PRKAG2: variants seen among roughly 807,000 people sequenced by gnomAD.
PRKAG2 encodes the protein 5'-AMP-activated protein kinase subunit gamma-2.
Under a neutral mutation model 69.6 loss-of-function variants are expected in PRKAG2, and 26 were observed. That is an observed-to-expected ratio of 0.37 (90% CI 0.27 to 0.52). PRKAG2 has a LOEUF of 0.52. Ranked by LOEUF, PRKAG2 falls within the 20% of genes least tolerant of loss-of-function variation. The pLI is 0.90. For synonymous variants in PRKAG2, 293 were observed against 285.0 expected (o/e 1.03, Z -0.28); for missense variants, 557 against 740.0 (o/e 0.75, Z 2.87).
At chr7:151,694,912 C>T (rs1355201549) in intron 3 of PRKAG2, among the ~76,000 whole-genome samples, 1 of 152,222 alleles carries the variant, frequency 6.6e-6, no homozygotes, top group Non-Finnish European at 1.5e-5. Flanking sequence ...CTGGGGATGC[C>T]CCAGTCCCTC....
intron 1 of PRKAG2, among the ~76,000 whole-genome samples, chr7:151,846,124 A>T (rs1332816930): frequency 1.3e-5 from 2 of 152,212 alleles, no homozygotes; most frequent in Non-Finnish European, 2.9e-5. Flanking sequence ...TTTACAATTT[A>T]TGGTGAACCA....
At chr7:151,873,639 C>T (rs563026596) in intron 1 of PRKAG2, among the ~76,000 whole-genome samples, 2 of 152,306 alleles carry the variant, frequency 1.3e-5, no homozygotes, top group African/African-American at 4.8e-5. Flanking sequence ...ATACTACTTT[C>T]GCGGTGGGCT....
chr7:151,588,530 T>C (rs1326025441), intron 6 of PRKAG2, among the ~76,000 whole-genome samples: 1 of 112,718 alleles, frequency 8.9e-6, no homozygotes, highest in African/African-American at 2.9e-5. Context: ...GCCCAGCTAA[T>C]TTTCGTAATT....
At chr7:151,744,126 CA>C (rs1357796355) in intron 3 of PRKAG2, among the ~76,000 whole-genome samples, 2 of 152,220 alleles carry the variant, frequency 1.3e-5, no homozygotes, top group Admixed American at 6.5e-5. Flanking sequence ...CACCCTTCCA[CA>C]AGAGACACAA....
chr7:151,621,079 T>A (rs1407234445), intron 5 of PRKAG2, among the ~76,000 whole-genome samples: 1 of 152,242 alleles, frequency 6.6e-6, no homozygotes, highest in East Asian at 1.9e-4. Flanking sequence ...TTGACCACAA[T>A]ATATTCGGCT....
intron 9 of PRKAG2, 182 bp downstream of exon 9, chr7:151,572,482 A>G (rs962536293): frequency 5.6e-5 from 30 of 532,296 alleles, no homozygotes; most frequent in Non-Finnish European, 9.8e-5. Context: ...AGAAGGGACA[A>G]TACTTATATT....
intron 1 of PRKAG2, among the ~76,000 whole-genome samples, chr7:151,839,940 C>A (rs1161547948): frequency 6.6e-6 from 1 of 152,118 alleles, no homozygotes; most frequent in Non-Finnish European, 1.5e-5. Flanking sequence ...CACACCTGTA[C>A]CCCAGGGGTT....
At chr7:151,816,953 A>G (rs1379585906) in intron 1 of PRKAG2, among the ~76,000 whole-genome samples, 1 of 152,086 alleles carries the variant, frequency 6.6e-6, no homozygotes, top group East Asian at 1.9e-4. Flanking sequence ...AGCGTTTGAG[A>G]GTGACTTATG....
chr7:151,721,140 C>A (rs1797024434), intron 3 of PRKAG2, among the ~76,000 whole-genome samples: 1 of 151,866 alleles, frequency 6.6e-6, no homozygotes, highest in Admixed American at 6.5e-5. Context: ...CTGGATGGGG[C>A]AGCCTGGCCA....
intron 3 of PRKAG2, among the ~76,000 whole-genome samples, chr7:151,698,386 T>G (rs1837062090): frequency 6.6e-6 from 1 of 151,900 alleles, no homozygotes; most frequent in Non-Finnish European, 1.5e-5. Context: ...ATGGTTTAGG[T>G]GTTTTGTCCC....
intron 1 of PRKAG2, chr7:151,809,461 C>T (rs2078303801): frequency 3.0e-6 from 1 of 329,724 alleles, no homozygotes; most frequent in African/African-American, 2.2e-5. Flanking sequence ...GTCTTCTCAG[C>T]ACAGGAACGG....
chr7:151,652,191 C>T (rs1828642056), intron 4 of PRKAG2, among the ~76,000 whole-genome samples: 1 of 152,176 alleles, frequency 6.6e-6, no homozygotes, highest in Non-Finnish European at 1.5e-5. Context: ...AAAAACCCCA[C>T]CACTTGTCAA....
At position 151,748,851 on chromosome 7, in the gene PRKAG2, G is replaced by A. The variant is rs569214829; in HGVS notation, c.466+32301C>T. On this transcript the variant is annotated intron_variant, in intron 3 of 15. Coordinates refer to ENST00000287878, the MANE Select transcript of PRKAG2 (RefSeq NM_016203.4). ...ATCCGTGCCGTGCCACCTGGCCTTC[G>A]CCCCGCCGCGCCCGCAGCCAGAGAG... Among the ~76,000 whole-genome samples the A allele has an allele frequency of 3.3e-5, 5 of 152,358 alleles. No homozygotes were observed. In the East Asian group the frequency reaches 9.6e-4, roughly 29 times the overall value.
intron 1 of PRKAG2, among the ~76,000 whole-genome samples, chr7:151,796,585 T>C (rs1486147148): frequency 6.6e-6 from 1 of 152,168 alleles, no homozygotes; most frequent in Admixed American, 6.5e-5. Flanking sequence ...TCATGGCATC[T>C]TGTCACCCTG....
intron 8 of PRKAG2, among the ~76,000 whole-genome samples, chr7:151,574,661 T>C (rs1563166022): frequency 6.6e-6 from 1 of 152,210 alleles, no homozygotes; most frequent in Non-Finnish European, 1.5e-5. Context: ...TTTCCTTTTA[T>C]TTTTCCTGAG....
chr7:151,737,808 A>G (rs934638946), intron 3 of PRKAG2, among the ~76,000 whole-genome samples: 16 of 152,260 alleles, frequency 1.1e-4, no homozygotes, highest in African/African-American at 3.6e-4. Context: ...GGCAACAGGA[A>G]GGAGGGCAAG....
chr7:151,694,315 C>T (rs575817929), intron 3 of PRKAG2, among the ~76,000 whole-genome samples: 25 of 152,338 alleles, frequency 1.6e-4, no homozygotes, highest in African/African-American at 5.3e-4. Flanking sequence ...TTAAAATGCA[C>T]ACAACCTAAA....
chr7:151,795,756 C>G (rs996170475), intron 1 of PRKAG2, among the ~76,000 whole-genome samples: 1 of 150,618 alleles, frequency 6.6e-6, no homozygotes, highest in Non-Finnish European at 1.5e-5. Context: ...ATTGCAGCAT[C>G]GACTGCCTGA....
At chr7:151,686,658 C>G (rs1834788057) in intron 3 of PRKAG2, among the ~76,000 whole-genome samples, 1 of 152,204 alleles carries the variant, frequency 6.6e-6, no homozygotes, top group Non-Finnish European at 1.5e-5. Context: ...TCCTCCCCAC[C>G]CCACTCCAGC....
Sources: allele counts gnomAD v4.1 joint callset (sites outside exome capture counted in the v4.1 genomes callset), GRCh38; gene constraint gnomAD v4.1.1; transcripts MANE v1.5; gene names NCBI Gene and HGNC (gene_info 2026-07-23, HGNC 2026-07-21).